Variants in DAZAP1 observed in about 807,000 individuals in gnomAD.
DAZAP1 encodes DAZ-associated protein 1.
A neutral mutation model predicts 60.1 loss-of-function variants in DAZAP1; 6 were observed. The observed-to-expected ratio is 0.10, with a 90% CI of 0.05 to 0.20. DAZAP1 has a LOEUF of 0.20. Ranked by LOEUF, DAZAP1 falls within the 10% of genes least tolerant of loss-of-function variation. The probability of loss-of-function intolerance (pLI) is 1.00; values close to 1 mark genes in which losing one functional copy is unlikely to be tolerated. For synonymous variants in DAZAP1, 235 were observed against 215.9 expected, an observed-to-expected ratio of 1.09 and a Z score of -0.78; for missense variants, 366 against 560.4, an observed-to-expected ratio of 0.65 and a Z score of 3.50.
intron 1 of DAZAP1, among the ~76,000 whole-genome samples, chr19:1,408,759 C>T (rs993535385): frequency 6.6e-6 from 1 of 152,264 alleles, no homozygotes; most frequent in Non-Finnish European, 1.5e-5. Flanking sequence ...GCTCCGGACC[C>T]CGCGGGGCCG....
chr19:1,426,203 G>A lies in DAZAP1; in HGVS notation c.546+243G>A, dbSNP rs2083301089. Reference sequence around the variant, plus strand: ...TGGAGCCCCTCCCTCTGGGTGACCTGGGACTGGGCGGGTAGGGGGCTGGGG... The same window carrying A: ...TGGAGCCCCTCCCTCTGGGTGACCTAGGACTGGGCGGGTAGGGGGCTGGGG... On this transcript the variant is annotated intron_variant, in intron 7 of 11. Coordinates refer to ENST00000233078, the MANE Select transcript of DAZAP1 (RefSeq NM_018959.4). This position sits in a 1 kb window ranked among gnomAD's most constrained non-coding sequence, Gnocchi z 5.4. 2.1e-6 allele frequency: 1 copy of A among 482,616 alleles called. No homozygotes were observed. The highest frequency in any genetic ancestry group is 3.8e-6 in the Non-Finnish European group (1 of 262,704). 29.9% of individuals were successfully genotyped at this position (482,616 alleles called of 1,614,324 possible). A position where few individuals can be genotyped will look rare whatever the true frequency, so the allele number is the denominator to read the frequency against.
chr19:1,423,929 T>C lies in DAZAP1; in HGVS notation c.463+1533T>C, dbSNP rs1311455521. On this transcript the variant is annotated intron_variant, in intron 6 of 11. Coordinates refer to ENST00000233078, the MANE Select transcript of DAZAP1 (RefSeq NM_018959.4). The surrounding 1 kb of genome is among the most constrained non-coding windows in gnomAD (Gnocchi z 6.8). Reference sequence around the variant, plus strand: ...GGGGCCAGCACGTGGCCACATGTCCTTAGCTGTTGGGCTTTGAAAGTGTCC... The same window carrying C: ...GGGGCCAGCACGTGGCCACATGTCCCTAGCTGTTGGGCTTTGAAAGTGTCC... Among the ~76,000 whole-genome samples, 1 of 152,224 alleles carries C rather than the reference T, an allele frequency of 6.6e-6. No individual in the cohort carries two copies. The highest frequency in any genetic ancestry group is 1.9e-4 in the East Asian group (1 of 5,188).
rs200798812 is a variant in DAZAP1 at position 1,429,946 on chromosome 19, C to T, written c.701-21C>T. ...AGCTGGTGGACACGGCGCCAACCTC[C>T]TCTTCTGTTCTCTTATCTAGGAATG... is the stretch of plus-strand genomic sequence containing the variant. On this transcript the variant is annotated intron_variant, in intron 8 of 11. Transcript: ENST00000233078. The T allele has an allele frequency of 3.2e-4, 496 of 1,561,058 alleles. 1 individual carries two copies. The highest frequency in any genetic ancestry group is 4.0e-4 in the Non-Finnish European group (461 of 1,151,552).
At position 1,434,674 on chromosome 19, in the gene DAZAP1, T is replaced by C; in HGVS notation, c.1049-63T>C. 6.3e-7 allele frequency: 1 copy of C among 1,578,840 alleles called. No homozygotes were observed. Among genetic ancestry groups the C allele is most frequent in the Non-Finnish European group, 8.6e-7 (1 of 1,156,994 alleles). The stretch of plus-strand genomic sequence containing the variant: ...TCGGCGGAGCTGTGTCCAGGTGGCC[T>C]CGCTCGACGGCAGTGCCAACCGCCC... On this transcript the variant is annotated intron_variant, in intron 11 of 11. Transcript: ENST00000233078. The surrounding 1 kb of genome is among the most constrained non-coding windows in gnomAD (Gnocchi z 8.0).
At chr19:1,419,869 G>A (rs536428252) in intron 4 of DAZAP1, among the ~76,000 whole-genome samples, 1 of 136,546 alleles carries the variant, frequency 7.3e-6, no homozygotes, top group African/African-American at 2.8e-5. Context: ...CGACCGTCAC[G>A]GCAGCGAGCA....
chr19:1,414,725 G>A lies in DAZAP1; in HGVS notation c.30-2775G>A, dbSNP rs187008099. 3.6e-3 allele frequency among the ~76,000 whole-genome samples: 544 copies of A among 151,728 alleles called. 2 individuals carry two copies. The highest frequency in any genetic ancestry group is 4.5e-3 in the Non-Finnish European group (304 of 67,904). On this transcript the variant is annotated intron_variant, in intron 1 of 11. Coordinates refer to ENST00000233078, the MANE Select transcript of DAZAP1 (RefSeq NM_018959.4). ...CACTCCAGCCTGGGCAACACAGCGA[G>A]ACAATTTTTCAAAAAAAAATTGAGA...
In DAZAP1 at chr19:1,425,694, C is replaced by T. The variant is rs1224000370; in HGVS notation, c.464-184C>T. On this transcript the variant is annotated intron_variant, in intron 6 of 11. Coordinates refer to ENST00000233078, the MANE Select transcript of DAZAP1 (RefSeq NM_018959.4). The surrounding 1 kb of genome is among the most constrained non-coding windows in gnomAD (Gnocchi z 5.4). ...GAGTGCGGACGTCACCGTCTGTCCACTCCGTGTGCAGTCGAGTGGTGGCTC... is the reference window on the plus strand; with the variant it reads ...GAGTGCGGACGTCACCGTCTGTCCATTCCGTGTGCAGTCGAGTGGTGGCTC... Among the ~76,000 whole-genome samples the T allele has an allele frequency of 1.3e-5, 2 of 152,218 alleles. No individual in the cohort carries two copies. The highest frequency in any genetic ancestry group is 2.1e-4 in the South Asian group (1 of 4,834).
chr19:1,424,974 C>T (rs937654875), intron 6 of DAZAP1, among the ~76,000 whole-genome samples: 3 of 152,206 alleles, frequency 2.0e-5, no homozygotes, highest in African/African-American at 7.2e-5. Flanking sequence ...CCGGGGGCCG[C>T]GCCCACCCCA....
intron 1 of DAZAP1, among the ~76,000 whole-genome samples, chr19:1,414,825 T>A (rs1406645772): frequency 6.6e-6 from 1 of 150,854 alleles, no homozygotes; most frequent in African/African-American, 2.4e-5. Context: ...TATTTTTTAT[T>A]TTTTTTTTAA....
In DAZAP1 at chr19:1,432,623, G is replaced by A. The variant is rs907489244; in HGVS notation, c.981G>A (p.Pro327=). ...CACCTCTGGCTTTCCCACCGCCTCCGTCTCAGGCTGCCCCGGACATGAGCA... is the reference window on the plus strand; with the variant it reads ...CACCTCTGGCTTTCCCACCGCCTCCATCTCAGGCTGCCCCGGACATGAGCA... ...GAAPLAFPPP[P]SQAAPDMSKP... The change falls in exon 11 of 12, where the codon CCG becomes CCA. Residue 327 remains proline (P), a synonymous_variant. Coordinates refer to ENST00000233078, the MANE Select transcript of DAZAP1 (RefSeq NM_018959.4). This position sits in a 1 kb window ranked among gnomAD's most constrained non-coding sequence, Gnocchi z 4.9. 12 of 1,613,520 alleles carry A rather than the reference G, an allele frequency of 7.4e-6. No individual in the cohort carries two copies. The highest frequency in any genetic ancestry group is 3.3e-5 in the Admixed American group (2 of 60,014).
chr19:1,409,985 G>T (rs2082779626), intron 1 of DAZAP1: 1 of 152,392 alleles, frequency 6.6e-6, no homozygotes, highest in South Asian at 2.1e-4. Context: ...CATGGGTGCG[G>T]GGTCAACGCC....
chr19:1,430,516 C>T (rs2083420898), intron 10 of DAZAP1, among the ~76,000 whole-genome samples, 154 bp downstream of exon 10: 1 of 152,350 alleles, frequency 6.6e-6, no homozygotes, highest in African/African-American at 2.4e-5. Flanking sequence ...AGGCCCTTCA[C>T]CTGCAGATGG....
intron 5 of DAZAP1, among the ~76,000 whole-genome samples, chr19:1,421,509 G>T (rs956668510): frequency 1.3e-5 from 2 of 152,270 alleles, no homozygotes; most frequent in Non-Finnish European, 2.9e-5. Flanking sequence ...CAGGGCGGCC[G>T]CCCGATTCCA....
At chr19:1,424,312 C>T (rs2083246177) in intron 6 of DAZAP1, among the ~76,000 whole-genome samples, 1 of 148,206 alleles carries the variant, frequency 6.7e-6, no homozygotes, top group Non-Finnish European at 1.5e-5. Flanking sequence ...GGTCCCTCCT[C>T]CTCTTCCTCC....
chr19:1,407,683 G>C lies in DAZAP1; in HGVS notation c.-91G>C. 1 of 1,006,074 alleles carries C rather than the reference G, an allele frequency of 9.9e-7. No homozygotes were observed. The highest frequency in any genetic ancestry group is 1.2e-6 in the Non-Finnish European group (1 of 839,832). 62.3% of individuals were successfully genotyped at this position (1,006,074 alleles called of 1,614,324 possible). ...CGCCGTTGCGCAGATCCGGGCCGCG[G>C]CTGTGGGGAGGGCGACGGAGCGGGT... On this transcript the variant is annotated 5_prime_UTR_variant, in exon 1 of 12. Transcript: ENST00000233078.
At chr19:1,409,214 G>C (rs1025268737) in intron 1 of DAZAP1, among the ~76,000 whole-genome samples, 1 of 152,248 alleles carries the variant, frequency 6.6e-6, no homozygotes, top group Non-Finnish European at 1.5e-5. Flanking sequence ...GCAGGGATGG[G>C]CCTGAGCAGG....
chr19:1,425,743 A>G lies in DAZAP1; in HGVS notation c.464-135A>G. On this transcript the variant is annotated intron_variant, in intron 6 of 11. Transcript: ENST00000233078. This position sits in a 1 kb window ranked among gnomAD's most constrained non-coding sequence, Gnocchi z 5.4. ...TCCTGGGGAGGGAGGCAGCTGCCCC[A>G]GGGGCCCGCAGCGCCCCACACACAG... 1.5e-6 allele frequency: 1 copy of G among 680,056 alleles called. No homozygotes were observed. Among genetic ancestry groups the G allele is most frequent in the East Asian group, 2.7e-5 (1 of 37,522 alleles). 42.1% of individuals were successfully genotyped at this position (680,056 alleles called of 1,614,324 possible). A position where few individuals can be genotyped will look rare whatever the true frequency, so the allele number is the denominator to read the frequency against.
At chr19:1,419,514 G>C (rs77134986) in intron 4 of DAZAP1, among the ~76,000 whole-genome samples, 1 of 152,176 alleles carries the variant, frequency 6.6e-6, no homozygotes, top group Non-Finnish European at 1.5e-5. Context: ...TGCACCCACC[G>C]TCAGCACGCT....
Position 1,422,341 on chromosome 19 carries a change from C to T in DAZAP1, c.415-7C>T, listed in dbSNP as rs566211949. 97 of 1,614,044 alleles carry T rather than the reference C, an allele frequency of 6.0e-5. No individual in the cohort carries two copies. In the East Asian group the frequency reaches 2.1e-3, roughly 34 times the overall value. Reference sequence around the variant, plus strand: ...GTGTCCGTGCTGACGCCACCCTCTCCTTCCAGGTCACGGAGGTAGTCATGA... The same window carrying T: ...GTGTCCGTGCTGACGCCACCCTCTCTTTCCAGGTCACGGAGGTAGTCATGA... On this transcript the variant is annotated splice_polypyrimidine_tract_variant and splice_region_variant and intron_variant, in intron 5 of 11. Coordinates refer to ENST00000233078, the MANE Select transcript of DAZAP1 (RefSeq NM_018959.4). The surrounding 1 kb of genome is among the most constrained non-coding windows in gnomAD (Gnocchi z 4.5).
Sources: gnomAD v4.1 joint callset for allele counts (sites outside exome capture counted in the v4.1 genomes callset) on GRCh38, gnomAD v4.1.1 for gene constraint, Gnocchi (gnomAD v3.1) non-coding constraint, MANE v1.5 for transcripts, NCBI Gene and HGNC (gene_info 2026-07-23, HGNC 2026-07-21) for gene names.